Variants in ANK3 observed in about 807,000 individuals in gnomAD.
ANK3 encodes the protein ankyrin 3, also known as ankyrin-3.
Under a neutral mutation model 370.9 loss-of-function variants are expected in ANK3, and 57 were observed. The ratio of observed to expected loss-of-function variants is 0.15; its 90% confidence interval spans 0.12 to 0.19. ANK3 has a LOEUF of 0.19. Among genes scored for constraint, ANK3 ranks in the 10% least tolerant of loss-of-function variants. The pLI is 1.00. For synonymous variants in ANK3, 1,929 were observed against 1,946.3 expected, an observed-to-expected ratio of 0.99 and a Z score of 0.23; for missense variants, 4,439 against 5,302.1, an observed-to-expected ratio of 0.84 and a Z score of 5.06.
rs184958958 is a variant in ANK3 at position 60,293,498 on chromosome 10, A to C, written c.115-13859T>G. Among the ~76,000 whole-genome samples, 16 of 152,290 alleles carry C rather than the reference A, an allele frequency of 1.1e-4. No individual in the cohort carries two copies. In the East Asian group the frequency reaches 3.1e-3, roughly 29 times the overall value. The stretch of plus-strand genomic sequence containing the variant: ...GTGGTCACCGTATCATCTCTATCAA[A>C]TAGATAGAAAACTGAAGCGAAGAGA... On this transcript the variant is annotated intron_variant, in intron 1 of 43. Coordinates refer to ENST00000280772, the MANE Select transcript of ANK3 (RefSeq NM_020987.5).
Position 60,499,099 on chromosome 10 carries a change from G to T in ANK3, c.96+116087C>A. Among the ~76,000 whole-genome samples, 2 of 152,132 alleles carry T rather than the reference G, an allele frequency of 1.3e-5. 1 individual carries two copies. The highest frequency in any genetic ancestry group is 2.9e-5 in the Non-Finnish European group (2 of 68,022). ...TTATATTGTCCTCCAGGATGTTGCA[G>T]GGGAGAAAAGACAGATTAAGACACA... On this transcript the variant is annotated intron_variant, in intron 2 of 43. Coordinates refer to the ANK3 transcript ENST00000373827.
chr10:60,300,282 G>T, intron 1 of ANK3: 3 of 1,181,896 alleles, frequency 2.5e-6, no homozygotes, highest in Non-Finnish European at 3.4e-6. Context: ...ACTTCTATAA[G>T]GAAAGTACAT....
At chr10:60,428,187 G>A (rs1442023428) in intron 2 of ANK3, among the ~76,000 whole-genome samples, 2 of 152,122 alleles carry the variant, frequency 1.3e-5, no homozygotes, top group Non-Finnish European at 2.9e-5. Context: ...AGACCTGTAT[G>A]GGTCATCACT....
chr10:60,345,535 C>T (rs977934990), intron 1 of ANK3, among the ~76,000 whole-genome samples: 3 of 152,026 alleles, frequency 2.0e-5, no homozygotes, highest in Non-Finnish European at 2.9e-5. Flanking sequence ...ACACATAGTA[C>T]CCAACACAAA....
chr10:60,422,883 A>T (rs900162246), intron 2 of ANK3, among the ~76,000 whole-genome samples: 15 of 152,212 alleles, frequency 9.9e-5, no homozygotes, highest in South Asian at 8.3e-4. Context: ...TGACTTTTAT[A>T]CATACGGAGA....
chr10:60,332,341 G>A (rs2051553899), intron 1 of ANK3, among the ~76,000 whole-genome samples: 1 of 152,138 alleles, frequency 6.6e-6, no homozygotes, highest in African/African-American at 2.4e-5. Flanking sequence ...CAAGAAAATA[G>A]GACACAATTT....
chr10:60,526,306 C>T (rs1189318725), intron 2 of ANK3, among the ~76,000 whole-genome samples: 6 of 152,012 alleles, frequency 3.9e-5, no homozygotes, highest in Non-Finnish European at 7.4e-5. Flanking sequence ...TGGTTTCCTA[C>T]GAATGATTTC....
intron 1 of ANK3, among the ~76,000 whole-genome samples, chr10:60,375,839 C>A (rs577358139): frequency 6.6e-6 from 1 of 152,146 alleles, no homozygotes. Flanking sequence ...TTTACTTTGC[C>A]CATTTTCACT....
chr10:60,115,266 G>A (rs557941345), intron 25 of ANK3, among the ~76,000 whole-genome samples: 67 of 152,340 alleles, frequency 4.4e-4, no homozygotes, highest in Non-Finnish European at 5.9e-4. Flanking sequence ...CACCAGGGCT[G>A]CAGACCAGCC....
At chr10:60,655,477 A>T (rs1393287333) in intron 1 of ANK3, among the ~76,000 whole-genome samples, 3 of 152,076 alleles carry the variant, frequency 2.0e-5, no homozygotes, top group Admixed American at 6.6e-5. Context: ...TTTTAAATAG[A>T]AAAATGTTTC....
Position 60,139,097 on chromosome 10 carries a change from TAG to T in ANK3, c.2615-12_2615-11del, listed in dbSNP as rs1198935213. 3.5e-5 allele frequency: 57 copies of T among 1,612,910 alleles called. No homozygotes were observed. The Admixed American group carries it at 9.2e-4, about 26-fold the overall frequency. On this transcript the variant is annotated splice_polypyrimidine_tract_variant and intron_variant, in intron 23 of 43. Transcript: ENST00000280772. ...GTCATTGCATCTTCACCTGCAGATG[TAG>T]AGAGTAAGCCCACATCAAAAGCTTC... is the stretch of plus-strand genomic sequence containing the variant.
intron 2 of ANK3, among the ~76,000 whole-genome samples, chr10:60,504,993 T>C (rs567890831): frequency 1.3e-5 from 2 of 152,230 alleles, no homozygotes; most frequent in East Asian, 1.9e-4. Flanking sequence ...TGTGTGAATA[T>C]TGTTGTAGTT....
intron 23 of ANK3, among the ~76,000 whole-genome samples, chr10:60,163,801 TTTTC>T (rs2095555530): frequency 6.6e-6 from 1 of 152,226 alleles, no homozygotes; most frequent in African/African-American, 2.4e-5. Context: ...CTCATTTTCA[TTTTC>T]TTTCTTGAGA....
chr10:60,091,054 G>A (rs7094315), intron 28 of ANK3, among the ~76,000 whole-genome samples: 3,100 of 152,232 alleles, frequency 0.02, 110 homozygotes, highest in African/African-American at 0.072. Context: ...ACAGGCACAC[G>A]CCACCACGCC....
intron 2 of ANK3, among the ~76,000 whole-genome samples, chr10:60,587,266 T>G (rs2077845548): frequency 1.3e-5 from 2 of 152,118 alleles, no homozygotes; most frequent in South Asian, 4.2e-4. Flanking sequence ...CCTAAACACC[T>G]GGCGATTACA....
At chr10:60,164,871 C>G (rs2095584780) in intron 23 of ANK3, among the ~76,000 whole-genome samples, 1 of 152,176 alleles carries the variant, frequency 6.6e-6, no homozygotes, top group Non-Finnish European at 1.5e-5. Flanking sequence ...CCATTTGATT[C>G]CAATAGCCCT....
At chr10:60,164,472 G>C (rs1382769737) in intron 23 of ANK3, among the ~76,000 whole-genome samples, 1 of 149,998 alleles carries the variant, frequency 6.7e-6, no homozygotes, top group East Asian at 1.9e-4. Context: ...ACAATAGAAG[G>C]AGGTAGCAAT....
At chr10:60,496,453 A>T (rs2075658135) in intron 2 of ANK3, among the ~76,000 whole-genome samples, 1 of 152,184 alleles carries the variant, frequency 6.6e-6, no homozygotes, top group African/African-American at 2.4e-5. Context: ...AAAACAAGCC[A>T]GGCAAAATTC....
chr10:60,175,536 C>T (rs532332114), intron 18 of ANK3, among the ~76,000 whole-genome samples: 1 of 152,340 alleles, frequency 6.6e-6, no homozygotes, highest in African/African-American at 2.4e-5. Context: ...CTGATAACAT[C>T]ATTACAAGCT....
Sources: allele counts gnomAD v4.1 joint callset (sites outside exome capture counted in the v4.1 genomes callset), GRCh38; gene constraint gnomAD v4.1.1; transcripts MANE v1.5; gene names NCBI Gene and HGNC (gene_info 2026-07-23, HGNC 2026-07-21).